Variants in TMIGD3 observed in about 807,000 individuals in gnomAD.
TMIGD3 encodes AD026 protein (AD026).
TMIGD3 carries 21 observed loss-of-function variants against 28.1 expected under a neutral mutation model. The observed-to-expected ratio is 0.75, with a 90% CI of 0.53 to 1.08. The LOEUF is 1.08. Ranked by LOEUF, TMIGD3 falls within the 50% of genes least tolerant of loss-of-function variation. The pLI is 0.00. For missense variants in TMIGD3, 416 were observed against 435.6 expected, an observed-to-expected ratio of 0.96 and a Z score of 0.40; for synonymous variants, 151 against 162.1, an observed-to-expected ratio of 0.93 and a Z score of 0.52.
chr1:111,514,923 G>T (rs1273288483), intron 1 of TMIGD3, among the ~76,000 whole-genome samples: 1 of 152,154 alleles, frequency 6.6e-6, no homozygotes, highest in Non-Finnish European at 1.5e-5. Context: ...TCTTTTCACA[G>T]ATAAGAATAT....
intron 1 of TMIGD3, among the ~76,000 whole-genome samples, chr1:111,519,087 T>G (rs1016597614): frequency 6.6e-6 from 1 of 152,138 alleles, no homozygotes; most frequent in Non-Finnish European, 1.5e-5. Flanking sequence ...TACAGGTGCC[T>G]GCCACCACGC....
intron 1 of TMIGD3, among the ~76,000 whole-genome samples, chr1:111,544,605 C>A (rs1656969070): frequency 6.6e-6 from 1 of 152,132 alleles, no homozygotes. Context: ...CCCTTATCAG[C>A]TGATAAACAT....
chr1:111,483,559 T>C lies in TMIGD3; in HGVS notation c.*128A>G. 1.2e-6 allele frequency: 1 copy of C among 811,394 alleles called. No homozygotes were observed. The highest frequency in any genetic ancestry group is 2.1e-6 in the Non-Finnish European group (1 of 483,516). The allele number at this position is 811,394 out of a possible 1,614,324, so 50.3% of individuals were successfully genotyped here. A position where few individuals can be genotyped will look rare whatever the true frequency, so the allele number is the denominator to read the frequency against. On this transcript the variant is annotated 3_prime_UTR_variant, in exon 6 of 6. Transcript: ENST00000369716. ...GTTGCTACCTGGCTGCAAATGATTG[T>C]TGTCAAGGATAGAGGGTCCTTCAGA...
intron 1 of TMIGD3, among the ~76,000 whole-genome samples, chr1:111,491,291 T>A (rs1237527216): frequency 6.6e-6 from 1 of 152,184 alleles, no homozygotes; most frequent in Non-Finnish European, 1.5e-5. Flanking sequence ...GGTGGAAGTG[T>A]GGGTGGCCGC....
upstream of TMIGD3, among the ~76,000 whole-genome samples, chr1:111,507,371 G>C (rs1358808175): frequency 6.6e-6 from 1 of 152,170 alleles, no homozygotes; most frequent in African/African-American, 2.4e-5. Flanking sequence ...AGAGTGACTG[G>C]AGGGGAAAGG....
At chr1:111,511,743 A>G (rs1455147194) in intron 1 of TMIGD3, among the ~76,000 whole-genome samples, 1 of 150,572 alleles carries the variant, frequency 6.6e-6, no homozygotes, top group East Asian at 2.0e-4. Flanking sequence ...CCTATGCCAC[A>G]ACTTTCGCAG....
At chr1:111,529,768 C>T (rs1656387881) in intron 1 of TMIGD3, among the ~76,000 whole-genome samples, 1 of 151,856 alleles carries the variant, frequency 6.6e-6, no homozygotes, top group South Asian at 2.1e-4. Flanking sequence ...ATGTCTACCT[C>T]TTTCTACACA....
At chr1:111,529,373 TTTC>T (rs200694161) in intron 1 of TMIGD3, among the ~76,000 whole-genome samples, 40,305 of 148,920 alleles carry the variant, frequency 0.27, 5,987 homozygotes, top group Admixed American at 0.42. Flanking sequence ...TCTTTCTTTC[TTTC>T]TTTTTTTTTT....
intron 1 of TMIGD3, among the ~76,000 whole-genome samples, chr1:111,558,746 T>C (rs1331178856): frequency 6.6e-6 from 1 of 152,150 alleles, no homozygotes; most frequent in Non-Finnish European, 1.5e-5. Flanking sequence ...AAATTTAAAC[T>C]ATGTAAAGTA....
intron 1 of TMIGD3, among the ~76,000 whole-genome samples, chr1:111,520,169 A>G (rs752640854): frequency 2.6e-5 from 4 of 152,224 alleles, no homozygotes; most frequent in Non-Finnish European, 4.4e-5. Flanking sequence ...AGGTTGTCAT[A>G]AAGAGTGGGT....
At chr1:111,538,721 C>A (rs924001487) in intron 1 of TMIGD3, among the ~76,000 whole-genome samples, 1 of 152,206 alleles carries the variant, frequency 6.6e-6, no homozygotes, top group African/African-American at 2.4e-5. Context: ...ATGTTTCCAT[C>A]TAAATGCACT....
At chr1:111,500,973 C>A in intron 1 of TMIGD3, 1 of 229,196 alleles carries the variant, frequency 4.4e-6, no homozygotes, top group Admixed American at 5.0e-5. Context: ...AGTTTAAGTC[C>A]CCCTTGAACT....
chr1:111,503,457 T>C lies in TMIGD3; in HGVS notation c.-103A>G. 6.8e-7 allele frequency: 1 copy of C among 1,477,148 alleles called. No homozygotes were observed. The highest frequency in any genetic ancestry group is 9.0e-7 in the Non-Finnish European group (1 of 1,109,992). The allele number at this position is 1,477,148 out of a possible 1,614,324, so 91.5% of individuals were successfully genotyped here. ...CGCCAGACGTCTTCCCAGAGGTCCATGTGCAGTGACAGTCTAAAATTCCCA... is the reference window on the plus strand; with the variant it reads ...CGCCAGACGTCTTCCCAGAGGTCCACGTGCAGTGACAGTCTAAAATTCCCA... On this transcript the variant is annotated 5_prime_UTR_variant, in exon 1 of 6. It removes an upstream start codon present in the reference 5' UTR. Transcript: ENST00000369716.
chr1:111,530,743 ATTTTAT>A (rs1232406667), intron 1 of TMIGD3, among the ~76,000 whole-genome samples: 7 of 151,702 alleles, frequency 4.6e-5, no homozygotes, highest in Admixed American at 2.0e-4. Flanking sequence ...TGTTTTTAAG[ATTTTAT>A]CTTTATCTCT....
At chr1:111,536,670 A>T (rs1306127862) in intron 1 of TMIGD3, among the ~76,000 whole-genome samples, 3 of 152,150 alleles carry the variant, frequency 2.0e-5, no homozygotes, top group African/African-American at 7.2e-5. Context: ...AAATCCTTAG[A>T]GTCATAGCCA....
upstream of TMIGD3, chr1:111,505,092 C>T: frequency 3.2e-6 from 2 of 623,432 alleles, no homozygotes; most frequent in Non-Finnish European, 3.9e-6. Flanking sequence ...AAGGAAGTTA[C>T]CAAGAGAAAT....
At position 111,530,668 on chromosome 1, in the gene TMIGD3, CATG is replaced by C. The variant is rs1656428702; in HGVS notation, c.107+33175_107+33177del. On this transcript the variant is annotated intron_variant, in intron 1 of 5. Coordinates refer to the TMIGD3 transcript ENST00000369717. ...GTCTTCTGGTTTACATTGTTTCTGA[CATG>C]ATGTCTTCTGCCATTGTTATCATTG... is the stretch of plus-strand genomic sequence containing the variant. 5.3e-5 allele frequency among the ~76,000 whole-genome samples: 8 copies of C among 152,288 alleles called. 1 individual carries two copies. The South Asian group carries it at 1.7e-3, about 32-fold the overall frequency.
At chr1:111,485,364 GA>G in intron 5 of TMIGD3, 1 of 173,898 alleles carries the variant, frequency 5.8e-6, no homozygotes, top group Non-Finnish European at 1.2e-5. Flanking sequence ...CTGTGTATAT[GA>G]AAAAGGAGAC....
chr1:111,529,037 A>G (rs958690868), intron 1 of TMIGD3, among the ~76,000 whole-genome samples: 1 of 152,052 alleles, frequency 6.6e-6, no homozygotes, highest in Non-Finnish European at 1.5e-5. Flanking sequence ...TTCCAGTACA[A>G]TAATGAAAAA....
Sources: gnomAD v4.1 joint callset for allele counts (sites outside exome capture counted in the v4.1 genomes callset) on GRCh38, gnomAD v4.1.1 for gene constraint, MANE v1.5 for transcripts, NCBI Gene and HGNC (gene_info 2026-07-23, HGNC 2026-07-21) for gene names.